TTLL7: variants seen among roughly 807,000 people sequenced by gnomAD.
TTLL7 encodes tubulin tyrosine ligase like 7, also known as tubulin polyglutamylase TTLL7.
Under a neutral mutation model 120.2 loss-of-function variants are expected in TTLL7, and 53 were observed. That is an observed-to-expected ratio of 0.44 (90% confidence interval 0.35 to 0.55). TTLL7 has a LOEUF of 0.55. Ranked by LOEUF, TTLL7 falls within the 20% of genes least tolerant of loss-of-function variation. The pLI is 0.00. For synonymous variants in TTLL7, 353 were observed against 351.7 expected, an observed-to-expected ratio of 1.00 and a Z score of -0.04; for missense variants, 803 against 1,054.7, an observed-to-expected ratio of 0.76 and a Z score of 3.31.
chr1:83,971,970 T>A (rs75327703), intron 1 of TTLL7, among the ~76,000 whole-genome samples: 6,259 of 152,072 alleles, frequency 0.041, 159 homozygotes, highest in Middle Eastern at 0.099. Context: ...AGAGCAGTTA[T>A]AAATTCACAG....
At chr1:83,890,571 C>A in intron 18 of TTLL7, 90 bp from the exon 19 acceptor site, 1 of 1,037,766 alleles carries the variant, frequency 9.6e-7, no homozygotes, top group Non-Finnish European at 1.4e-6. Flanking sequence ...AGTTCCAGAC[C>A]AGCCTGGGCA....
chr1:83,887,192 G>A, intron 19 of TTLL7: 2 of 1,120,204 alleles, frequency 1.8e-6, no homozygotes, highest in Non-Finnish European at 2.2e-6. Context: ...TTTATTATTG[G>A]GAATGTTGAC....
chr1:83,889,289 C>T lies in TTLL7; in HGVS notation c.2369+1032G>A, dbSNP rs377262368. On this transcript the variant is annotated intron_variant, in intron 19 of 20. Coordinates refer to ENST00000260505, the MANE Select transcript of TTLL7 (RefSeq NM_024686.6). ...ACAGCAGCATGGGGGTAACCATCCC[C>T]ATGATTCAATTACCTCCCACCAGGT... Among the ~76,000 whole-genome samples, 7 of 152,052 alleles carry T rather than the reference C, an allele frequency of 4.6e-5. No individual in the cohort carries two copies. The East Asian group carries it at 5.8e-4, about 13-fold the overall frequency.
intron 1 of TTLL7, among the ~76,000 whole-genome samples, chr1:83,976,982 G>A (rs1199822597): frequency 1.3e-5 from 2 of 151,720 alleles, no homozygotes; most frequent in Non-Finnish European, 2.9e-5. Flanking sequence ...TCTATATTAA[G>A]CCATTTTATT....
intron 2 of TTLL7, 79 bp downstream of exon 2, chr1:83,952,108 T>C: frequency 6.5e-7 from 1 of 1,532,718 alleles, no homozygotes; most frequent in Non-Finnish European, 9.0e-7. Flanking sequence ...CCAATTAATT[T>C]TTAATACTTT....
chr1:83,974,106 G>A (rs1404207038), intron 1 of TTLL7, among the ~76,000 whole-genome samples: 2 of 151,732 alleles, frequency 1.3e-5, no homozygotes, highest in Non-Finnish European at 2.9e-5. Flanking sequence ...AATTGAATAG[G>A]TCAAAAGAAA....
intron 14 of TTLL7, among the ~76,000 whole-genome samples, chr1:83,915,223 A>G (rs1422818655): frequency 2.6e-5 from 4 of 152,086 alleles, no homozygotes; most frequent in African/African-American, 7.2e-5. Context: ...GAGGCATCAC[A>G]CTACCTGACT....
At chr1:83,900,226 T>C (rs566171561) in intron 18 of TTLL7, 1 of 414,780 alleles carries the variant, frequency 2.4e-6, no homozygotes, top group Admixed American at 2.9e-5. Context: ...AAGAAGCAGC[T>C]AGCTTGCTAC....
At chr1:83,986,029 AT>A (rs1162080102) in intron 1 of TTLL7, among the ~76,000 whole-genome samples, 2 of 152,236 alleles carry the variant, frequency 1.3e-5, no homozygotes, top group Non-Finnish European at 2.9e-5. Flanking sequence ...CTTTCAGAAA[AT>A]AGAAGAAGAA....
At chr1:83,882,415 C>G (rs1420135154) in intron 20 of TTLL7, among the ~76,000 whole-genome samples, 3 of 151,600 alleles carry the variant, frequency 2.0e-5, no homozygotes, top group Admixed American at 6.6e-5. Context: ...TTTCTTTACT[C>G]TGTGTTTCTG....
chr1:83,952,082 G>C, intron 2 of TTLL7, 105 bp downstream of exon 2: 1 of 1,499,216 alleles, frequency 6.7e-7, no homozygotes, highest in Middle Eastern at 1.9e-4. Flanking sequence ...ACAAATCCTG[G>C]TACTTTAAAA....
intron 14 of TTLL7, 62 bp downstream of exon 14, chr1:83,917,542 A>G: frequency 8.4e-7 from 1 of 1,185,986 alleles, no homozygotes; most frequent in Non-Finnish European, 1.2e-6. Flanking sequence ...TCTTATAGTG[A>G]GAAGTATCAA....
chr1:83,936,369 C>T (rs1647397163), intron 8 of TTLL7, among the ~76,000 whole-genome samples: 1 of 152,012 alleles, frequency 6.6e-6, no homozygotes, highest in South Asian at 2.1e-4. Context: ...AAAAGAATGC[C>T]AGAGGGTATA....
chr1:83,929,346 T>A, intron 9 of TTLL7, 116 bp from the exon 10 acceptor site: 1 of 663,248 alleles, frequency 1.5e-6, no homozygotes. Context: ...CTCAAAGCTT[T>A]ACATGGCAGA....
chr1:83,919,584 G>A (rs765914041), intron 13 of TTLL7, 115 bp downstream of exon 13: 30 of 942,440 alleles, frequency 3.2e-5, no homozygotes, highest in Non-Finnish European at 4.3e-5. Flanking sequence ...AAAGCTTGGG[G>A]AAAGCATATC....
intron 9 of TTLL7, among the ~76,000 whole-genome samples, chr1:83,930,266 A>G (rs963802793): frequency 6.6e-6 from 1 of 152,060 alleles, no homozygotes; most frequent in African/African-American, 2.4e-5. Flanking sequence ...ACCATACTTT[A>G]TTTTACATTC....
At chr1:83,986,152 T>C (rs991501934) in intron 1 of TTLL7, among the ~76,000 whole-genome samples, 2 of 152,260 alleles carry the variant, frequency 1.3e-5, no homozygotes, top group African/African-American at 2.4e-5. Flanking sequence ...GATGCAAAAA[T>C]CCTTAAAATT....
intron 1 of TTLL7, among the ~76,000 whole-genome samples, chr1:83,987,196 T>C (rs1175003252): frequency 6.6e-6 from 1 of 151,264 alleles, no homozygotes; most frequent in South Asian, 2.1e-4. Flanking sequence ...AGATAACATG[T>C]GCAAGATTTA....
intron 1 of TTLL7, among the ~76,000 whole-genome samples, chr1:83,996,378 G>A (rs1653479162): frequency 6.6e-6 from 1 of 152,176 alleles, no homozygotes; most frequent in Admixed American, 6.5e-5. Context: ...CTCACTGTCT[G>A]ACATTCAAGT....
Sources: gnomAD v4.1 joint callset for allele counts (sites outside exome capture counted in the v4.1 genomes callset) on GRCh38, gnomAD v4.1.1 for gene constraint, MANE v1.5 for transcripts, NCBI Gene and HGNC (gene_info 2026-07-23, HGNC 2026-07-21) for gene names.